SLC14A2: variants seen among roughly 807,000 people sequenced by gnomAD.
SLC14A2 encodes the protein solute carrier family 14 member 2, also known as urea transporter 2.
A neutral mutation model predicts 104.6 loss-of-function variants in SLC14A2; 91 were observed. That is an observed-to-expected ratio of 0.87 (90% confidence interval 0.73 to 1.04). The LOEUF (loss-of-function observed/expected upper bound fraction) is 1.04, where lower values mean the gene tolerates loss of function less well. Among genes scored for constraint, SLC14A2 ranks in the 50% least tolerant of loss-of-function variants. The probability of loss-of-function intolerance (pLI) is 0.00; values close to 1 mark genes in which losing one functional copy is unlikely to be tolerated. For missense variants in SLC14A2, 1,189 were observed against 1,156.0 expected (o/e 1.03, Z -0.41); for synonymous variants, 476 against 466.4 (o/e 1.02, Z -0.27).
chr18:45,334,391 G>A (rs900020837), intron 1 of SLC14A2, among the ~76,000 whole-genome samples: 1 of 152,176 alleles, frequency 6.6e-6, no homozygotes, highest in Non-Finnish European at 1.5e-5. Context: ...TCATGTGACA[G>A]CCACATATAT....
At chr18:45,211,032 T>C (rs549380755), upstream of SLC14A2, among the ~76,000 whole-genome samples, 10 of 152,326 alleles carry the variant, frequency 6.6e-5, no homozygotes, top group South Asian at 1.0e-3. Context: ...AATGTTTTCC[T>C]ATTTTCCCCT....
chr18:45,670,602 A>C (rs894440060), intron 16 of SLC14A2, among the ~76,000 whole-genome samples: 3 of 152,160 alleles, frequency 2.0e-5, no homozygotes, highest in Non-Finnish European at 4.4e-5. Flanking sequence ...TAGTAGAAAG[A>C]GCCCTGAATT....
chr18:45,569,005 T>A (rs183239483), intron 2 of SLC14A2, among the ~76,000 whole-genome samples: 4 of 152,290 alleles, frequency 2.6e-5, no homozygotes, highest in African/African-American at 9.6e-5. Context: ...CTGAGTAGGA[T>A]TTAAATTAGC....
intron 11 of SLC14A2, among the ~76,000 whole-genome samples, chr18:45,664,387 T>C (rs1442987744): frequency 1.3e-5 from 2 of 152,132 alleles, no homozygotes; most frequent in Non-Finnish European, 2.9e-5. Context: ...GAAGAGGGTA[T>C]CCAAGGGCCG....
intron 10 of SLC14A2, among the ~76,000 whole-genome samples, chr18:45,648,231 A>C (rs867545118): frequency 3.4e-4 from 37 of 109,264 alleles, no homozygotes; most frequent in Middle Eastern, 7.7e-3. Flanking sequence ...TTTGAGATGG[A>C]GTCTCACTCT....
At chr18:45,613,318 G>A (rs1244767866), upstream of SLC14A2, among the ~76,000 whole-genome samples, 1 of 152,126 alleles carries the variant, frequency 6.6e-6, no homozygotes, top group African/African-American at 2.4e-5. Flanking sequence ...CACTGCGCCT[G>A]GCCAGCAGTT....
chr18:45,302,020 C>T (rs943404067), intron 1 of SLC14A2, among the ~76,000 whole-genome samples: 3 of 152,156 alleles, frequency 2.0e-5, no homozygotes, highest in African/African-American at 7.2e-5. Context: ...CTGTTGGGTT[C>T]CTGCAGGTCT....
chr18:45,328,914 A>G (rs895415951), intron 1 of SLC14A2, among the ~76,000 whole-genome samples: 2 of 152,220 alleles, frequency 1.3e-5, no homozygotes, highest in African/African-American at 4.8e-5. Context: ...TAGATTTCAC[A>G]TTTCTCCAGT....
At chr18:45,241,996 C>T (rs967266920) in intron 1 of SLC14A2, among the ~76,000 whole-genome samples, 11 of 152,104 alleles carry the variant, frequency 7.2e-5, no homozygotes, top group Non-Finnish European at 1.5e-4. Context: ...TCCCAAAACT[C>T]TCCTTTTCCC....
intron 1 of SLC14A2, among the ~76,000 whole-genome samples, chr18:45,332,906 C>T (rs1001329263): frequency 1.3e-5 from 2 of 152,134 alleles, no homozygotes; most frequent in African/African-American, 4.8e-5. Context: ...AGATTCAGAC[C>T]GCCTTTGGGA....
intron 10 of SLC14A2, among the ~76,000 whole-genome samples, chr18:45,649,124 G>A (rs990524882): frequency 2.0e-5 from 3 of 152,056 alleles, no homozygotes; most frequent in South Asian, 4.1e-4. Flanking sequence ...TGAGCGAGCC[G>A]AGATCGTGCA....
intron 5 of SLC14A2, among the ~76,000 whole-genome samples, chr18:45,633,439 T>C (rs1231862638): frequency 6.6e-6 from 1 of 152,206 alleles, no homozygotes; most frequent in Non-Finnish European, 1.5e-5. Flanking sequence ...CTAGATGAAA[T>C]AAGAAGGTCA....
chr18:45,649,528 T>A (rs1210485128), intron 10 of SLC14A2, among the ~76,000 whole-genome samples: 1 of 152,258 alleles, frequency 6.6e-6, no homozygotes, highest in African/African-American at 2.4e-5. Context: ...GTATTGAACA[T>A]GTTACATTTT....
chr18:45,330,889 C>G (rs1299654700), intron 1 of SLC14A2, among the ~76,000 whole-genome samples: 1 of 152,196 alleles, frequency 6.6e-6, no homozygotes, highest in Non-Finnish European at 1.5e-5. Flanking sequence ...TCTCTGCCTT[C>G]TTGAATTTAT....
At chr18:45,559,682 A>G (rs1312337041) in intron 2 of SLC14A2, among the ~76,000 whole-genome samples, 1 of 152,164 alleles carries the variant, frequency 6.6e-6, no homozygotes, top group African/African-American at 2.4e-5. Context: ...TTCTCTAATC[A>G]CCTTCATTGT....
intron 1 of SLC14A2, among the ~76,000 whole-genome samples, chr18:45,366,060 T>C (rs2085662928): frequency 6.6e-6 from 1 of 151,036 alleles, no homozygotes; most frequent in African/African-American, 2.4e-5. Context: ...CCAGCATGAG[T>C]AGAGTGAACA....
At chr18:45,228,468 A>G (rs1389236836) in intron 1 of SLC14A2, among the ~76,000 whole-genome samples, 4 of 152,104 alleles carry the variant, frequency 2.6e-5, no homozygotes. Context: ...GGGTTCTTCC[A>G]GACTGGACTC....
chr18:45,170,842 C>T, the SLC14A2 span, among the ~76,000 whole-genome samples: 1 of 152,098 alleles, frequency 6.6e-6, no homozygotes, highest in Non-Finnish European at 1.5e-5. Context: ...GCAAGTCCAT[C>T]AGTTGTGAAG....
the SLC14A2 span, among the ~76,000 whole-genome samples, chr18:45,170,422 G>A: frequency 7.2e-5 from 11 of 152,154 alleles, no homozygotes; most frequent in Non-Finnish European, 1.6e-4. Flanking sequence ...TTAAAGTAAA[G>A]AACTTTATTT....
Sources: gnomAD v4.1 joint callset for allele counts (sites outside exome capture counted in the v4.1 genomes callset) on GRCh38, gnomAD v4.1.1 for gene constraint, MANE v1.5 for transcripts, NCBI Gene and HGNC (gene_info 2026-07-23, HGNC 2026-07-21) for gene names.